CREB5: variants seen among roughly 807,000 people sequenced by gnomAD.
The protein encoded by CREB5 is cAMP responsive element binding protein 5.
In CREB5, 19 loss-of-function variants were observed where a neutral mutation model predicts 57.1. The ratio of observed to expected loss-of-function variants is 0.33; its 90% CI spans 0.23 to 0.49. The LOEUF (loss-of-function observed/expected upper bound fraction) is 0.49. Among genes scored for constraint, CREB5 ranks in the 20% least tolerant of loss-of-function variants. The pLI is 0.99. For synonymous variants in CREB5, 238 were observed against 238.3 expected (o/e 1.00, Z 0.01); for missense variants, 579 against 671.6 (o/e 0.86, Z 1.52).
chr7:28,621,249 A>T (rs1172939779), intron 5 of CREB5, among the ~76,000 whole-genome samples: 2 of 152,200 alleles, frequency 1.3e-5, no homozygotes. Context: ...TTGCCAGGTC[A>T]GGTGGTGTGT....
chr7:28,639,863 A>G (rs990181844), intron 5 of CREB5, among the ~76,000 whole-genome samples: 4 of 152,212 alleles, frequency 2.6e-5, no homozygotes, highest in African/African-American at 9.6e-5. Context: ...ATCCTGCCTG[A>G]AATTCACAAC....
intron 1 of CREB5, among the ~76,000 whole-genome samples, chr7:28,451,057 G>A (rs1789773421): frequency 6.6e-6 from 1 of 152,158 alleles, no homozygotes; most frequent in Non-Finnish European, 1.5e-5. Flanking sequence ...AGATGTAAAT[G>A]ATGTAACAAG....
intron 1 of CREB5, among the ~76,000 whole-genome samples, chr7:28,342,530 A>T (rs1289802116): frequency 1.3e-5 from 2 of 152,268 alleles, no homozygotes; most frequent in African/African-American, 4.8e-5. Flanking sequence ...AATGTTCATT[A>T]TAATACAGCA....
At chr7:28,507,509 G>A (rs1792527699) in intron 3 of CREB5, 107 bp from the exon 4 acceptor site, 5 of 1,331,642 alleles carry the variant, frequency 3.8e-6, no homozygotes, top group Non-Finnish European at 5.1e-6. Flanking sequence ...ATGGCTAGTG[G>A]ACATTTTAAT....
At chr7:28,586,600 G>A (rs1796316087) in intron 5 of CREB5, among the ~76,000 whole-genome samples, 1 of 152,200 alleles carries the variant, frequency 6.6e-6, no homozygotes, top group African/African-American at 2.4e-5. Context: ...AGAGATCAGA[G>A]TAAACTTAAT....
chr7:28,730,198 G>GT (rs1379022476), intron 7 of CREB5, among the ~76,000 whole-genome samples: 3 of 151,794 alleles, frequency 2.0e-5, no homozygotes, highest in East Asian at 1.9e-4. Flanking sequence ...TTCTTTTTTT[G>GT]TTTTTTGAGA....
intron 1 of CREB5, among the ~76,000 whole-genome samples, chr7:28,458,112 C>G (rs1181570369): frequency 1.3e-5 from 2 of 152,162 alleles, no homozygotes; most frequent in African/African-American, 2.4e-5. Flanking sequence ...AACCCTGGAA[C>G]AGAAACTGAG....
intron 1 of CREB5, among the ~76,000 whole-genome samples, chr7:28,324,153 A>T (rs1367921400): frequency 6.6e-6 from 1 of 152,162 alleles, no homozygotes; most frequent in African/African-American, 2.4e-5. Context: ...GGGATACACA[A>T]CTAGAGCCAA....
intron 1 of CREB5, among the ~76,000 whole-genome samples, chr7:28,349,559 T>G (rs1786148266): frequency 6.6e-6 from 1 of 152,110 alleles, no homozygotes; most frequent in African/African-American, 2.4e-5. Context: ...AATTTTTGCT[T>G]TTGCTCCACG....
rs115996863 is a variant in CREB5, at chr7:28,484,798, A to G, written c.4-3377A>G. On this transcript the variant is annotated intron_variant, in intron 1 of 10. Transcript: ENST00000357727. ...TTTCTCAACTTGTGTCTTCTGAGGC[A>G]TGATTTCTTATACTGACATATCTCA... 5.1e-3 allele frequency among the ~76,000 whole-genome samples: 770 copies of G among 152,318 alleles called. 8 individuals carry two copies. The highest frequency in any genetic ancestry group is 0.017 in the African/African-American group (703 of 41,574).
intron 4 of CREB5, among the ~76,000 whole-genome samples, chr7:28,517,190 A>G (rs1369675405): frequency 1.3e-5 from 2 of 152,234 alleles, no homozygotes; most frequent in Non-Finnish European, 1.5e-5. Context: ...GAGACGTGAA[A>G]AAAACTGACA....
intron 1 of CREB5, among the ~76,000 whole-genome samples, chr7:28,437,368 G>A (rs1444587442): frequency 1.5e-5 from 2 of 135,902 alleles, no homozygotes; most frequent in African/African-American, 4.9e-5. Flanking sequence ...TCTGTCATGG[G>A]AGCCTCCTTT....
At chr7:28,590,534 G>T (rs936415936) in intron 5 of CREB5, among the ~76,000 whole-genome samples, 2 of 107,222 alleles carry the variant, frequency 1.9e-5, no homozygotes, top group African/African-American at 3.5e-5. Flanking sequence ...GTTGTGGGGT[G>T]GGGGGAGGGG....
At chr7:28,338,452 T>C (rs1309830982) in intron 1 of CREB5, among the ~76,000 whole-genome samples, 1 of 152,190 alleles carries the variant, frequency 6.6e-6, no homozygotes, top group Non-Finnish European at 1.5e-5. Flanking sequence ...CACTCTCTCC[T>C]GGCCTGTAAG....
rs201776240 is a variant in CREB5, at chr7:28,801,771, G to GTGTT, written c.703-2427_703-2424dup. Reference sequence around the variant, plus strand: ...CATTGCTTAAAATTGGAGATGAGAAGTGTTAGTTCACTTTTCTGTTTAGAA... The same window carrying GTGTT: ...CATTGCTTAAAATTGGAGATGAGAAGTGTTTGTTAGTTCACTTTTCTGTTTAGAA... On this transcript the variant is annotated intron_variant, in intron 7 of 10. Coordinates refer to ENST00000357727, the MANE Select transcript of CREB5 (RefSeq NM_182898.4). 3.9e-5 allele frequency among the ~76,000 whole-genome samples: 6 copies of GTGTT among 152,220 alleles called. No homozygotes were observed. In the East Asian group the frequency reaches 1.2e-3, roughly 29 times the overall value.
chr7:28,603,182 C>G (rs1796988181), intron 5 of CREB5, among the ~76,000 whole-genome samples: 1 of 152,206 alleles, frequency 6.6e-6, no homozygotes, highest in Admixed American at 6.5e-5. Context: ...AATTGGCTGA[C>G]TGCTCTTTGA....
intron 5 of CREB5, among the ~76,000 whole-genome samples, chr7:28,634,182 A>C (rs898153929): frequency 2.0e-5 from 3 of 152,182 alleles, no homozygotes; most frequent in African/African-American, 4.8e-5. Flanking sequence ...TTTGAGCTTT[A>C]ATCTGCCCAT....
chr7:28,348,345 AATG>A (rs1001270062), intron 1 of CREB5, among the ~76,000 whole-genome samples: 2 of 152,016 alleles, frequency 1.3e-5, no homozygotes, highest in African/African-American at 4.8e-5. Flanking sequence ...TCATTTATAA[AATG>A]ATGATCAACA....
At chr7:28,699,210 A>G (rs1474834876) in intron 5 of CREB5, among the ~76,000 whole-genome samples, 1 of 148,934 alleles carries the variant, frequency 6.7e-6, no homozygotes, top group Admixed American at 6.7e-5. Context: ...GAAAGGGCGT[A>G]TTCAGTGACT....
Sources: gnomAD v4.1 joint callset for allele counts (sites outside exome capture counted in the v4.1 genomes callset) on GRCh38, gnomAD v4.1.1 for gene constraint, MANE v1.5 for transcripts, NCBI Gene and HGNC (gene_info 2026-07-23, HGNC 2026-07-21) for gene names.